Variants in AZU1 observed in about 807,000 individuals in gnomAD.
The protein encoded by AZU1 is azurocidin 1.
AZU1 carries 21 observed loss-of-function variants against 17.8 expected under a neutral mutation model. That is an observed-to-expected ratio of 1.18 (90% CI 0.84 to 1.70). The LOEUF (loss-of-function observed/expected upper bound fraction) is 1.70. Ranked by LOEUF, AZU1 falls within the 40% of genes most tolerant of loss-of-function variation. The probability of loss-of-function intolerance (pLI) is 0.00; values close to 1 mark genes in which losing one functional copy is unlikely to be tolerated. For missense variants in AZU1, 379 were observed against 362.9 expected, an observed-to-expected ratio of 1.04 and a Z score of -0.36; for synonymous variants, 178 against 155.2, an observed-to-expected ratio of 1.15 and a Z score of -1.09.
chr19:829,418 C>T, intron 2 of AZU1, 144 bp from the exon 3 acceptor site: 1 of 1,186,000 alleles, frequency 8.4e-7, no homozygotes, highest in Non-Finnish European at 1.2e-6. Flanking sequence ...AGTCTCGGCT[C>T]TGCTTCTGTA....
Position 829,699 on chromosome 19 carries a change from T to C in AZU1, c.353T>C (p.Leu118Pro), listed in dbSNP as rs762036830. The C allele has an allele frequency of 6.2e-7, 1 of 1,613,064 alleles. No individual in the cohort carries two copies. Among genetic ancestry groups the C allele is most frequent in the Non-Finnish European group, 8.5e-7 (1 of 1,179,796 alleles). ...DPQQNLNDLM[L>P]LQLDREANLT... is the part of the protein sequence containing the mutation. ...CAGCAGAACCTGAACGACCTGATGC[T>C]GCTTCAGGTGAGAGGATGGTGCCAC... The change falls in exon 3 of 5, where the codon CTG (leucine) becomes CCG (proline). Residue 118 changes from leucine (L) to proline (P), a missense_variant. By Grantham distance (98) the Leu-to-Pro change is moderately conservative. Coordinates refer to ENST00000233997, the MANE Select transcript of AZU1 (RefSeq NM_001700.5).
At chr19:829,795 A>C in intron 3 of AZU1, 89 bp downstream of exon 3, 1 of 1,502,910 alleles carries the variant, frequency 6.7e-7, no homozygotes, top group Middle Eastern at 1.7e-4. Flanking sequence ...TCTACAAAAA[A>C]ATACAAAAAT....
At chr19:830,633 A>T in intron 3 of AZU1, 75 bp from the exon 4 acceptor site, 1 of 1,260,366 alleles carries the variant, frequency 7.9e-7, no homozygotes, top group Non-Finnish European at 1.1e-6. Context: ...TGTCGCTGAC[A>T]CTTCTGCTCC....
At chr19:831,316 G>T in intron 4 of AZU1, 1 of 317,524 alleles carries the variant, frequency 3.1e-6, no homozygotes, top group East Asian at 6.1e-5. Flanking sequence ...CTGACCTCAT[G>T]ATCGACCCAC....
In AZU1 at chr19:831,775, C is replaced by A; in HGVS notation, c.654C>A (p.Ser218=). The A allele has an allele frequency of 2.5e-6, 4 of 1,612,684 alleles. No homozygotes were observed. Among genetic ancestry groups the A allele is most frequent in the Non-Finnish European group, 3.4e-6 (4 of 1,179,802 alleles). The stretch of plus-strand genomic sequence containing the variant: ...TGGCCCACGGCGTGGCCTCCTTTTC[C>A]CTGGGGCCCTGTGGCCGAGGCCCTG... ...EGLAHGVASF[S]LGPCGRGPDF... Residue 218 remains serine, a synonymous_variant, in exon 5 of 5, where the codon TCC becomes TCA. Transcript: ENST00000233997.
Position 831,856 on chromosome 19 carries a change from C to G in AZU1, c.735C>G (p.Asn245Lys). ...ACTGGATCGATGGTGTTCTCAACAACCCGGGACCGGGGCCAGCCTAGGGGG... is the reference window on the plus strand; with the variant it reads ...ACTGGATCGATGGTGTTCTCAACAAGCCGGGACCGGGGCCAGCCTAGGGGG... Reference protein sequence around the residue: ...FRDWIDGVLNNPGPGPA With the variant: ...FRDWIDGVLNKPGPGPA Residue 245 changes from asparagine (N) to lysine (K), a missense_variant, in exon 5 of 5, where the codon AAC becomes AAG. Physicochemically the swap from Asn to Lys is moderately conservative, Grantham distance 94 (BLOSUM62 0). Coordinates refer to ENST00000233997, the MANE Select transcript of AZU1 (RefSeq NM_001700.5). 2 of 1,612,468 alleles carry G rather than the reference C, an allele frequency of 1.2e-6. No homozygotes were observed. Among genetic ancestry groups the G allele is most frequent in the South Asian group, 2.2e-5 (2 of 91,022 alleles).
Position 830,863 on chromosome 19 carries a change from G to C in AZU1, c.516G>C (p.Val172=). 1 of 1,607,714 alleles carries C rather than the reference G, an allele frequency of 6.2e-7. No homozygotes were observed. Among genetic ancestry groups the C allele is most frequent in the Non-Finnish European group, 8.5e-7 (1 of 1,179,968 alleles). The change falls in exon 4 of 5, where the codon GTG becomes GTC. Residue 172 remains valine (V), a synonymous_variant. Coordinates refer to ENST00000233997, the MANE Select transcript of AZU1 (RefSeq NM_001700.5). Reference sequence around the variant, plus strand: ...CCCGTTTTCCCAGGTTTGTCAACGTGACTGTGACCCCCGAGGACCAGTGTC... The same window carrying C: ...CCCGTTTTCCCAGGTTTGTCAACGTCACTGTGACCCCCGAGGACCAGTGTC... ...RLSRFPRFVN[V]TVTPEDQCRP...
intron 4 of AZU1, 49 bp downstream of exon 4, chr19:830,990 C>T: frequency 6.4e-7 from 1 of 1,557,430 alleles, no homozygotes; most frequent in African/African-American, 1.4e-5. Flanking sequence ...GTACTGAGCT[C>T]TCCGTGGCAG....
At chr19:828,741 G>A (rs543369596) in intron 2 of AZU1, among the ~76,000 whole-genome samples, 2 of 115,076 alleles carry the variant, frequency 1.7e-5, no homozygotes, top group African/African-American at 6.8e-5. Context: ...CCCAGAGAAA[G>A]GAAGGGGCTC....
chr19:831,173 T>A, intron 4 of AZU1: 3 of 511,342 alleles, frequency 5.9e-6, no homozygotes, highest in Non-Finnish European at 1.0e-5. Flanking sequence ...CTCCGCCTCC[T>A]GGGTTCAAGC....
rs1359983377 is a variant in AZU1, at chr19:831,731, C to T, written c.610C>T (p.Pro204Ser). 1.2e-6 allele frequency: 2 copies of T among 1,607,958 alleles called. No homozygotes were observed. Among genetic ancestry groups the T allele is most frequent in the Non-Finnish European group, 1.7e-6 (2 of 1,177,712 alleles). The change falls in exon 5 of 5, where the codon CCC becomes TCC. Residue 204 changes from proline (P) to serine (S), a missense_variant. Physicochemically the swap from Pro to Ser is moderately conservative, Grantham distance 74. Transcript: ENST00000233997. The part of the protein sequence containing the change: ...GGICNGDGGT[P>S]LVCEGLAHGV... ...GCCTGCCCAGGGGGACGGGGGCACC[C>T]CCCTCGTCTGCGAGGGCCTGGCCCA...
chr19:829,405 G>A (rs2035258144), intron 2 of AZU1, among the ~76,000 whole-genome samples, 157 bp from the exon 3 acceptor site: 1 of 151,996 alleles, frequency 6.6e-6, no homozygotes, highest in South Asian at 2.1e-4. Context: ...GGGGGCCCTG[G>A]AAAGTCTCGG....
intron 4 of AZU1, chr19:831,428 G>T (rs2035286374): frequency 4.5e-6 from 2 of 449,150 alleles, no homozygotes; most frequent in Non-Finnish European, 7.9e-6. Flanking sequence ...TGTGCTGGGG[G>T]TTGGGGACCC....
Position 829,576 on chromosome 19 carries a change from G to C in AZU1, c.230G>C (p.Ser77Thr). 6.2e-7 allele frequency: 1 copy of C among 1,613,086 alleles called. No homozygotes were observed. Among genetic ancestry groups the C allele is most frequent in the Non-Finnish European group, 8.5e-7 (1 of 1,179,942 alleles). ...SCFQSQNPGV[S>T]TVVLGAYDLR... Reference sequence around the variant, plus strand: ...GCTACTCTCAGGAACCCCGGGGTTAGCACCGTGGTGCTGGGTGCCTATGAC... The same window carrying C: ...GCTACTCTCAGGAACCCCGGGGTTACCACCGTGGTGCTGGGTGCCTATGAC... The change falls in exon 3 of 5, where the codon AGC (serine) becomes ACC (threonine). Residue 77 changes from serine to threonine, a missense_variant. Ser to Thr is a moderately conservative substitution (Grantham distance 58, BLOSUM62 1). Coordinates refer to ENST00000233997, the MANE Select transcript of AZU1 (RefSeq NM_001700.5).
At position 831,807 on chromosome 19, in the gene AZU1, T is replaced by G; in HGVS notation, c.686T>G (p.Phe229Cys). 6.2e-7 allele frequency: 1 copy of G among 1,612,732 alleles called. No homozygotes were observed. Among genetic ancestry groups the G allele is most frequent in the Non-Finnish European group, 8.5e-7 (1 of 1,179,812 alleles). The change falls in exon 5 of 5, where the codon TTC (phenylalanine) becomes TGC (cysteine). Residue 229 changes from phenylalanine to cysteine, a missense_variant. Transcript: ENST00000233997. ...CCCTGTGGCCGAGGCCCTGACTTCTTCACCCGAGTGGCGCTCTTCCGAGAC... is the reference window on the plus strand; with the variant it reads ...CCCTGTGGCCGAGGCCCTGACTTCTGCACCCGAGTGGCGCTCTTCCGAGAC... ...LGPCGRGPDF[F>C]TRVALFRDWI...
In AZU1 at chr19:830,707, G is replaced by C; in HGVS notation, c.361-1G>C. On this transcript the variant is annotated splice_acceptor_variant, in intron 3 of 4. Transcript: ENST00000233997. LOFTEE classifies it high-confidence loss of function. The stretch of plus-strand genomic sequence containing the variant: ...TCCCCTGACTCCATTTCCTTCCCCA[G>C]CTGGACCGTGAGGCCAACCTCACCA... 1 of 1,560,384 alleles carries C rather than the reference G, an allele frequency of 6.4e-7. No individual in the cohort carries two copies. Among genetic ancestry groups the C allele is most frequent in the South Asian group, 1.2e-5 (1 of 83,624 alleles).
At chr19:828,174 C>T in intron 1 of AZU1, 56 bp from the exon 2 acceptor site, 1 of 1,528,486 alleles carries the variant, frequency 6.5e-7, no homozygotes. Flanking sequence ...TTCACACGCC[C>T]TCCCGGCCAC....
chr19:831,803 T>C lies in AZU1; in HGVS notation c.682T>C (p.Phe228Leu). ...GGGGCCCTGTGGCCGAGGCCCTGAC[T>C]TCTTCACCCGAGTGGCGCTCTTCCG... ...SLGPCGRGPDFFTRVALFRDW... is the reference protein window; with the variant it reads ...SLGPCGRGPDLFTRVALFRDW... The change falls in exon 5 of 5, where the codon TTC (phenylalanine) becomes CTC (leucine). Residue 228 changes from phenylalanine (F) to leucine (L), a missense_variant. Phe to Leu is a conservative substitution (Grantham distance 22). Coordinates refer to ENST00000233997, the MANE Select transcript of AZU1 (RefSeq NM_001700.5). 6.2e-7 allele frequency: 1 copy of C among 1,612,314 alleles called. No individual in the cohort carries two copies.
intron 2 of AZU1, among the ~76,000 whole-genome samples, chr19:828,712 G>A (rs1298749551): frequency 7.3e-6 from 1 of 137,658 alleles, no homozygotes; most frequent in East Asian, 2.3e-4. Context: ...AAGGGAAGGG[G>A]CTCAGATGGA....
Sources: allele counts gnomAD v4.1 joint callset (sites outside exome capture counted in the v4.1 genomes callset), GRCh38; gene constraint gnomAD v4.1.1; transcripts MANE v1.5; gene names NCBI Gene and HGNC (gene_info 2026-07-23, HGNC 2026-07-21).